The following MTA1 variants were observed in gnomAD, a reference collection of about 807,000 sequenced individuals.
MTA1 encodes metastasis-associated protein MTA1.
Under a neutral mutation model 97.0 loss-of-function variants are expected in MTA1, and 15 were observed. The ratio of observed to expected loss-of-function variants is 0.15; its 90% CI spans 0.10 to 0.24. The LOEUF is 0.24. MTA1 is among the 10% of genes least tolerant of loss of function. The probability of loss-of-function intolerance (pLI) is 1.00; values close to 1 mark genes in which losing one functional copy is unlikely to be tolerated. For synonymous variants in MTA1, 435 were observed against 417.5 expected, an observed-to-expected ratio of 1.04 and a Z score of -0.51; for missense variants, 709 against 1,015.1, an observed-to-expected ratio of 0.70 and a Z score of 4.10.
At chr14:105,442,348 G>A (rs2082563468) in intron 2 of MTA1, among the ~76,000 whole-genome samples, 1 of 152,190 alleles carries the variant, frequency 6.6e-6, no homozygotes, top group Non-Finnish European at 1.5e-5. Flanking sequence ...TTTCCAACAC[G>A]AGGGAGGCGC....
chr14:105,441,599 C>T (rs2082520087), intron 2 of MTA1, among the ~76,000 whole-genome samples: 1 of 152,182 alleles, frequency 6.6e-6, no homozygotes, highest in Non-Finnish European at 1.5e-5. Flanking sequence ...TCGAGACCAT[C>T]CTGGCTAATA....
At position 105,424,582 on chromosome 14, in the gene MTA1, G is replaced by T. The variant is rs1325061027; in HGVS notation, c.28+4519G>T. ...ACAATCGCGGCTCACTGCAACCTCC[G>T]CCTCCTGGGTTCTAGTGATTTGCCT... On this transcript the variant is annotated intron_variant, in intron 1 of 20. Transcript: ENST00000331320. This position sits in a 1 kb window ranked among gnomAD's most constrained non-coding sequence, Gnocchi z 4.0. Among the ~76,000 whole-genome samples, 1 of 151,524 alleles carries T rather than the reference G, an allele frequency of 6.6e-6. No homozygotes were observed. The highest frequency in any genetic ancestry group is 6.6e-5 in the Admixed American group (1 of 15,196).
chr14:105,435,287 A>C (rs1429757205), intron 1 of MTA1, among the ~76,000 whole-genome samples: 1 of 151,600 alleles, frequency 6.6e-6, no homozygotes, highest in African/African-American at 2.4e-5. Flanking sequence ...TGTTTTTAAA[A>C]ATTTAAGTTA....
intron 6 of MTA1, among the ~76,000 whole-genome samples, chr14:105,452,330 G>C (rs2082976404): frequency 6.6e-6 from 1 of 152,222 alleles, no homozygotes. Flanking sequence ...GACACACCCA[G>C]GCCCTGACCA....
intron 18 of MTA1, chr14:105,467,844 G>A: frequency 4.1e-6 from 1 of 245,350 alleles, no homozygotes; most frequent in Non-Finnish European, 8.1e-6. Context: ...CTTGTCAGCA[G>A]GCATCTTCGA....
chr14:105,423,752 GC>G (rs2081924785), intron 1 of MTA1, among the ~76,000 whole-genome samples: 1 of 152,180 alleles, frequency 6.6e-6, no homozygotes, highest in Admixed American at 6.5e-5. Context: ...TAGAAATGTT[GC>G]TTTTGTATTT....
At chr14:105,433,401 A>T (rs1271037813) in intron 1 of MTA1, among the ~76,000 whole-genome samples, 1 of 152,210 alleles carries the variant, frequency 6.6e-6, no homozygotes, top group Non-Finnish European at 1.5e-5. Context: ...GCACCGCGGT[A>T]CGTCACTGTC....
At position 105,438,390 on chromosome 14, in the gene MTA1, C is replaced by T. The variant is rs587694756; in HGVS notation, c.29-282C>T. On this transcript the variant is annotated intron_variant, in intron 1 of 20. Transcript: ENST00000331320. ...GGCCTGAGCCCTTGGGGGCAGCTGG[C>T]GTCTGTGAGGATCCGGGATGGGGGC... Among the ~76,000 whole-genome samples, 42 of 152,228 alleles carry T rather than the reference C, an allele frequency of 2.8e-4. No individual in the cohort carries two copies. The East Asian group carries it at 4.3e-3, about 15-fold the overall frequency.
At chr14:105,455,619 G>A (rs1230652053) in intron 7 of MTA1, among the ~76,000 whole-genome samples, 1 of 152,212 alleles carries the variant, frequency 6.6e-6, no homozygotes, top group East Asian at 1.9e-4. Context: ...AGGCCCCAGC[G>A]ATCCTCAAGC....
At chr14:105,451,822 C>T (rs2082952232) in intron 6 of MTA1, among the ~76,000 whole-genome samples, 1 of 137,898 alleles carries the variant, frequency 7.3e-6, no homozygotes, top group African/African-American at 2.9e-5. Flanking sequence ...CAGAGTTTCG[C>T]TCTTGTTGCC....
rs79536059 is a variant in MTA1, at chr14:105,434,281, G to A, written c.29-4391G>A. On this transcript the variant is annotated intron_variant, in intron 1 of 20. Transcript: ENST00000331320. ...TATTTTAACCCTTGACACCTTATCT[G>A]TTACCATTTATTTAGATCTTTGCTG... Among the ~76,000 whole-genome samples the A allele has an allele frequency of 4.0e-3, 616 of 152,198 alleles. 6 individuals are homozygous for A. The highest frequency in any genetic ancestry group is 0.014 in the African/African-American group (575 of 41,516).
At chr14:105,449,265 C>G in intron 3 of MTA1, 94 bp from the exon 4 acceptor site, 1 of 1,353,392 alleles carries the variant, frequency 7.4e-7, no homozygotes, top group South Asian at 1.4e-5. Context: ...GCCCTGCCCC[C>G]TGGCGGCACA....
rs2083775618 is a variant in MTA1, at chr14:105,470,153, C to A, written c.2086C>A (p.Leu696Met). The A allele has an allele frequency of 4.3e-6, 7 of 1,610,646 alleles. No homozygotes were observed. The highest frequency in any genetic ancestry group is 5.9e-6 in the Non-Finnish European group (7 of 1,178,946). ...KPIALRQSQA[L>M]PPRPPPPAPV... Reference sequence around the variant, plus strand: ...CATCGCCCTGCGCCAGAGCCAGGCCCTGCCGCCGCGGCCACCGCCACCTGC... The same window carrying A: ...CATCGCCCTGCGCCAGAGCCAGGCCATGCCGCCGCGGCCACCGCCACCTGC... Residue 696 changes from leucine (L) to methionine (M), a missense_variant, in exon 21 of 21, where the codon CTG (leucine) becomes ATG (methionine). By Grantham distance (15) the Leu-to-Met change is conservative (BLOSUM62 2). Transcript: ENST00000331320.
chr14:105,442,270 C>T (rs2082559773), intron 2 of MTA1, among the ~76,000 whole-genome samples: 1 of 152,242 alleles, frequency 6.6e-6, no homozygotes, highest in Non-Finnish European at 1.5e-5. Context: ...CCCAGCCAAG[C>T]TCCATCTCCC....
rs377230881 is a variant in MTA1 at position 105,422,903 on chromosome 14, T to G, written c.28+2840T>G. Among the ~76,000 whole-genome samples, 503 of 152,232 alleles carry G rather than the reference T, an allele frequency of 3.3e-3. 2 individuals carry two copies. The highest frequency in any genetic ancestry group is 0.011 in the African/African-American group (476 of 41,562). On this transcript the variant is annotated intron_variant, in intron 1 of 20. Coordinates refer to ENST00000331320, the MANE Select transcript of MTA1 (RefSeq NM_004689.4). This position sits in a 1 kb window ranked among gnomAD's most constrained non-coding sequence, Gnocchi z 4.3. The stretch of plus-strand genomic sequence containing the variant: ...GGGCAGCGGATGGCCTGGGCAAGGG[T>G]GGCGGGGTCAGGGTTCCCTGACCTC...
Position 105,454,176 on chromosome 14 carries a change from C to T in MTA1, c.433-17C>T. On this transcript the variant is annotated splice_polypyrimidine_tract_variant and intron_variant, in intron 6 of 20. Transcript: ENST00000331320. ...TGACTGTGCTGACGCCTCTCTGTCT[C>T]CTGTGGTGTTTTCCAGGATTTCTTC... The T allele has an allele frequency of 1.3e-6, 2 of 1,593,454 alleles. No individual in the cohort carries two copies. The highest frequency in any genetic ancestry group is 8.6e-7 in the Non-Finnish European group (1 of 1,162,226).
intron 16 of MTA1, chr14:105,466,085 C>T (rs781933353): frequency 1.1e-5 from 3 of 284,648 alleles, no homozygotes; most frequent in African/African-American, 2.3e-5. Context: ...GGGGCCTGGA[C>T]GTGGGGGCTG....
intron 1 of MTA1, among the ~76,000 whole-genome samples, chr14:105,438,439 C>G (rs1292871996): frequency 6.6e-6 from 1 of 152,194 alleles, no homozygotes; most frequent in African/African-American, 2.4e-5. Context: ...TGGGAACGGC[C>G]CCTCCAGATG....
At chr14:105,466,776 G>A (rs1027500853) in intron 18 of MTA1, 34 bp downstream of exon 18, 8 of 1,549,960 alleles carry the variant, frequency 5.2e-6, no homozygotes, top group East Asian at 2.4e-5. Context: ...GCGCTGCGCC[G>A]GCCCCGCCCG....
Sources: allele counts gnomAD v4.1 joint callset (sites outside exome capture counted in the v4.1 genomes callset), GRCh38; gene constraint gnomAD v4.1.1; non-coding constraint Gnocchi (gnomAD v3.1); transcripts MANE v1.5; gene names NCBI Gene and HGNC (gene_info 2026-07-23, HGNC 2026-07-21).